The following ALPK2 variants were observed in gnomAD, a reference collection of about 807,000 sequenced individuals.
The protein encoded by ALPK2 is alpha-protein kinase 2.
A neutral mutation model predicts 163.1 loss-of-function variants in ALPK2; 127 were observed. That is an observed-to-expected ratio of 0.78 (90% CI 0.67 to 0.90). The LOEUF is 0.90. Ranked by LOEUF, ALPK2 falls within the 40% of genes least tolerant of loss-of-function variation. The probability of loss-of-function intolerance (pLI) is 0.00; values close to 1 mark genes in which losing one functional copy is unlikely to be tolerated. For synonymous variants in ALPK2, 953 were observed against 959.1 expected, an observed-to-expected ratio of 0.99 and a Z score of 0.12; for missense variants, 2,360 against 2,589.6, an observed-to-expected ratio of 0.91 and a Z score of 1.92.
chr18:58,503,943 T>C lies in ALPK2; in HGVS notation c.6235A>G (p.Thr2079Ala). 3 of 1,613,476 alleles carry C rather than the reference T, an allele frequency of 1.9e-6. No individual in the cohort carries two copies. The highest frequency in any genetic ancestry group is 1.7e-6 in the Non-Finnish European group (2 of 1,179,660). The change falls in exon 11 of 13, where the codon ACG becomes GCG. Residue 2079 changes from threonine to alanine, a missense_variant. Transcript: ENST00000361673. ...YQKTSGCLLV[T>A]DMQGVGMKLT... ...CTGCTTTCCTCACCTTGCATGTCCG[T>C]CACCAGGAGGCAGCCACTTGTTTTC...
At chr18:58,620,460 A>G (rs2052192628) in intron 1 of ALPK2, among the ~76,000 whole-genome samples, 2 of 152,220 alleles carry the variant, frequency 1.3e-5, no homozygotes, top group Non-Finnish European at 2.9e-5. Context: ...TGAAGTGTCC[A>G]ATAGAAATTA....
chr18:58,546,799 G>A (rs983741046), intron 4 of ALPK2, among the ~76,000 whole-genome samples: 4 of 152,172 alleles, frequency 2.6e-5, no homozygotes, highest in African/African-American at 9.7e-5. Context: ...GGAAATGAGA[G>A]AGACAGAGTG....
intron 8 of ALPK2, among the ~76,000 whole-genome samples, chr18:58,519,848 G>C (rs2051540444): frequency 6.6e-6 from 1 of 152,174 alleles, no homozygotes; most frequent in African/African-American, 2.4e-5. Flanking sequence ...CCTCAGCGAT[G>C]GCTGAAATGA....
At chr18:58,589,666 C>T (rs955139139) in intron 3 of ALPK2, among the ~76,000 whole-genome samples, 5 of 152,184 alleles carry the variant, frequency 3.3e-5, no homozygotes, top group Non-Finnish European at 7.3e-5. Context: ...CATGCTCATC[C>T]TACCCTAAGG....
intron 6 of ALPK2, among the ~76,000 whole-genome samples, chr18:58,524,401 A>G (rs2051573318): frequency 6.6e-6 from 1 of 152,234 alleles, no homozygotes; most frequent in African/African-American, 2.4e-5. Context: ...CTGTGCTTGA[A>G]GGAAAGTCTG....
chr18:58,564,836 T>A lies in ALPK2; in HGVS notation c.1962+13978A>T, dbSNP rs200028961. 1.2e-4 allele frequency among the ~76,000 whole-genome samples: 19 copies of A among 152,210 alleles called. No homozygotes were observed. The East Asian group carries it at 1.9e-3, about 15-fold the overall frequency. Reference sequence around the variant, plus strand: ...GCTCCCAGTTTATGTCTTCCTTTTTTAAAAAAAATTTTTTTAAAAGTTTTC... The same window carrying A: ...GCTCCCAGTTTATGTCTTCCTTTTTAAAAAAAAATTTTTTTAAAAGTTTTC... On this transcript the variant is annotated intron_variant, in intron 4 of 12. Transcript: ENST00000361673.
chr18:58,530,442 G>C (rs2051607247), intron 5 of ALPK2, among the ~76,000 whole-genome samples: 1 of 152,226 alleles, frequency 6.6e-6, no homozygotes, highest in African/African-American at 2.4e-5. Context: ...TGCCCAAGCT[G>C]AGACCGTGTT....
chr18:58,534,418 C>A (rs2051631965), intron 5 of ALPK2, among the ~76,000 whole-genome samples: 1 of 152,176 alleles, frequency 6.6e-6, no homozygotes, highest in Admixed American at 6.5e-5. Flanking sequence ...AGTGCATGGT[C>A]TATTTCATTA....
At chr18:58,548,512 G>C (rs2051732324) in intron 4 of ALPK2, among the ~76,000 whole-genome samples, 1 of 152,010 alleles carries the variant, frequency 6.6e-6, no homozygotes, top group Admixed American at 6.6e-5. Flanking sequence ...GTAGAGATGG[G>C]GTTTTGCCCT....
At chr18:58,604,482 T>G (rs571299024) in intron 3 of ALPK2, among the ~76,000 whole-genome samples, 8 of 152,280 alleles carry the variant, frequency 5.3e-5, no homozygotes, top group African/African-American at 1.9e-4. Context: ...ATTTAATTGG[T>G]CAAGCGCGAA....
At chr18:58,570,000 G>T (rs1232280292) in intron 4 of ALPK2, among the ~76,000 whole-genome samples, 1 of 152,078 alleles carries the variant, frequency 6.6e-6, no homozygotes, top group East Asian at 1.9e-4. Context: ...TGTGGTGGCG[G>T]GTGCCTGTAA....
rs547517181 is a variant in ALPK2 at position 58,548,679 on chromosome 18, G to A, written c.1963-10455C>T. 1.9e-4 allele frequency among the ~76,000 whole-genome samples: 29 copies of A among 152,186 alleles called. No individual in the cohort carries two copies. In the South Asian group the frequency reaches 4.1e-3, roughly 22 times the overall value. ...CTCTGGCAGTACAATCACAGGTGAC[G>A]CAGCAGGCAACAACGATTACCTGCT... On this transcript the variant is annotated intron_variant, in intron 4 of 12. Transcript: ENST00000361673.
intron 4 of ALPK2, among the ~76,000 whole-genome samples, chr18:58,561,556 G>A (rs1157307020): frequency 1.3e-5 from 2 of 152,192 alleles, no homozygotes; most frequent in Non-Finnish European, 2.9e-5. Context: ...GGGGAGAAAG[G>A]GGGAATATAA....
intron 4 of ALPK2, chr18:58,543,221 G>A: frequency 2.6e-6 from 1 of 390,194 alleles, no homozygotes; most frequent in Non-Finnish European, 3.5e-6. Flanking sequence ...GCCTGCACAA[G>A]ATGCAGGCCC....
chr18:58,596,369 G>A (rs573688302), intron 3 of ALPK2, among the ~76,000 whole-genome samples: 1 of 152,326 alleles, frequency 6.6e-6, no homozygotes, highest in South Asian at 2.1e-4. Context: ...CTGGTGAGCC[G>A]AGGCAGCCAC....
intron 1 of ALPK2, among the ~76,000 whole-genome samples, chr18:58,613,656 G>A (rs1452337906): frequency 6.7e-6 from 1 of 148,828 alleles, no homozygotes; most frequent in African/African-American, 2.5e-5. Flanking sequence ...CCGAGATCAC[G>A]CCACTGCACT....
Position 58,528,096 on chromosome 18 carries a change from T to A in ALPK2, c.5501+995A>T, listed in dbSNP as rs186373894. On this transcript the variant is annotated intron_variant, in intron 6 of 12. Transcript: ENST00000361673. ...TAGATTGTGTCAGATGAAGCTTGAA[T>A]TCATCAGTTCACTTGAACAAGCATT... Among the ~76,000 whole-genome samples, 106 of 152,326 alleles carry A rather than the reference T, an allele frequency of 7.0e-4. 2 individuals carry two copies. The East Asian group carries it at 0.015, about 21-fold the overall frequency.
chr18:58,499,341 T>C (rs1474044516), intron 11 of ALPK2, among the ~76,000 whole-genome samples: 2 of 152,140 alleles, frequency 1.3e-5, no homozygotes, highest in African/African-American at 2.4e-5. Context: ...GAATAGACTA[T>C]CCCACTGTTT....
chr18:58,487,632 C>T (rs549344477), intron 12 of ALPK2, among the ~76,000 whole-genome samples: 51 of 152,212 alleles, frequency 3.4e-4, no homozygotes, highest in South Asian at 6.2e-4. Context: ...TTGTCCTTAA[C>T]CTCTAATTAG....
Sources: gnomAD v4.1 joint callset for allele counts (sites outside exome capture counted in the v4.1 genomes callset) on GRCh38, gnomAD v4.1.1 for gene constraint, MANE v1.5 for transcripts, NCBI Gene and HGNC (gene_info 2026-07-23, HGNC 2026-07-21) for gene names.